The following SFI1 variants were observed in gnomAD, a reference collection of about 807,000 sequenced individuals.
SFI1 encodes SFI1 centrin binding protein, also known as protein SFI1 homolog.
A neutral mutation model predicts 207.5 loss-of-function variants in SFI1; 195 were observed. That is an observed-to-expected ratio of 0.94 (90% CI 0.84 to 1.06). The LOEUF is 1.06. Among genes scored for constraint, SFI1 ranks in the 50% least tolerant of loss-of-function variants. SFI1 has a pLI of 0.00. For synonymous variants in SFI1, 630 were observed against 598.9 expected, an observed-to-expected ratio of 1.05 and a Z score of -0.76; for missense variants, 1,634 against 1,588.0, an observed-to-expected ratio of 1.03 and a Z score of -0.49.
intron 15 of SFI1, among the ~76,000 whole-genome samples, 195 bp downstream of exon 15, chr22:31,589,772 G>A (rs1481154545): frequency 1.3e-5 from 2 of 150,608 alleles, no homozygotes; most frequent in Non-Finnish European, 1.5e-5. Flanking sequence ...GAAATCTTTT[G>A]TCCATCTTTA....
At chr22:31,618,249 GGT>G in intron 32 of SFI1, 23 bp downstream of exon 32, 1 of 1,597,282 alleles carries the variant, frequency 6.3e-7, no homozygotes, top group South Asian at 1.1e-5. Context: ...GCCATCCCCA[GGT>G]GTCCCTGGGG....
At chr22:31,561,697 G>A (rs16989279) in intron 8 of SFI1, among the ~76,000 whole-genome samples, 8,810 of 152,294 alleles carry the variant, frequency 0.058, 238 homozygotes, top group Non-Finnish European at 0.066. Flanking sequence ...TTTCCTCGTT[G>A]CTGTTTTCCT....
At chr22:31,512,811 C>T (rs766384218) in intron 2 of SFI1, among the ~76,000 whole-genome samples, 5 of 152,070 alleles carry the variant, frequency 3.3e-5, no homozygotes, top group Admixed American at 6.6e-5. Flanking sequence ...CTCAGCCTCC[C>T]AAGTACCTGG....
intron 15 of SFI1, among the ~76,000 whole-genome samples, chr22:31,599,226 A>C (rs1212303311): frequency 6.6e-6 from 1 of 152,162 alleles, no homozygotes; most frequent in Non-Finnish European, 1.5e-5. Context: ...CATTTAGGTC[A>C]ATGATCATCT....
chr22:31,506,588 C>T (rs1379928830), intron 1 of SFI1, among the ~76,000 whole-genome samples: 1 of 152,118 alleles, frequency 6.6e-6, no homozygotes, highest in East Asian at 1.9e-4. Flanking sequence ...TTGCAGATGA[C>T]ATGATTCTGT....
chr22:31,501,284 C>T (rs1301600766), intron 1 of SFI1, among the ~76,000 whole-genome samples: 1 of 151,292 alleles, frequency 6.6e-6, no homozygotes, highest in African/African-American at 2.4e-5. Flanking sequence ...CCATTCTCCT[C>T]CCTCAGCCTC....
At position 31,606,325 on chromosome 22, in the gene SFI1, C is replaced by T. The variant is rs372124990; in HGVS notation, c.2055-3C>T. 6.2e-7 allele frequency: 1 copy of T among 1,613,272 alleles called. No individual in the cohort carries two copies. The highest frequency in any genetic ancestry group is 8.5e-7 in the Non-Finnish European group (1 of 1,179,658). On this transcript the variant is annotated splice_region_variant and splice_polypyrimidine_tract_variant and intron_variant, in intron 20 of 32. Coordinates refer to ENST00000400288, the MANE Select transcript of SFI1 (RefSeq NM_001007467.3). ...TGCCTTCCTCGCACCCATGCATCTG[C>T]AGCGGGGCATTACGTCGCTGGAAAG...
intron 2 of SFI1, among the ~76,000 whole-genome samples, chr22:31,514,000 G>A (rs1384813872): frequency 6.6e-6 from 1 of 151,874 alleles, no homozygotes; most frequent in Non-Finnish European, 1.5e-5. Context: ...CTGGCATGGT[G>A]GCATGCTACT....
rs201980284 is a variant in SFI1 at position 31,561,340 on chromosome 22, G to A, written c.713G>A (p.Arg238His). ...RQRLGQVRVS[R>H]ALHASALKHR... ...CGACTAGGACAGGTCCGTGTGAGCC[G>A]TGCCCTCCATGCCTCTGCTTTGAAG... The change falls in exon 8 of 33, where the codon CGT becomes CAT. Residue 238 changes from arginine (R) to histidine (H), a missense_variant. By Grantham distance (29) the Arg-to-His change is conservative. Coordinates refer to ENST00000400288, the MANE Select transcript of SFI1 (RefSeq NM_001007467.3). The A allele has an allele frequency of 9.1e-4, 1,463 of 1,614,022 alleles. 23 individuals are homozygous for A. In the South Asian group the frequency reaches 0.014, roughly 15 times the overall value.
At chr22:31,553,650 G>A (rs2060842312) in intron 6 of SFI1, among the ~76,000 whole-genome samples, 1 of 150,596 alleles carries the variant, frequency 6.6e-6, no homozygotes, top group African/African-American at 2.4e-5. Flanking sequence ...TGGGACCACA[G>A]GGGTGAGCCA....
intron 8 of SFI1, among the ~76,000 whole-genome samples, chr22:31,568,863 G>T (rs1433110882): frequency 1.3e-5 from 2 of 152,148 alleles, no homozygotes; most frequent in African/African-American, 4.8e-5. Context: ...GGAAGCTGAG[G>T]CAGGAGGATC....
At chr22:31,559,510 C>T in intron 7 of SFI1, 2 of 533,932 alleles carry the variant, frequency 3.7e-6, no homozygotes, top group Non-Finnish European at 7.0e-6. Flanking sequence ...TGAAAAGTTC[C>T]AGCGTATTTT....
intron 4 of SFI1, among the ~76,000 whole-genome samples, chr22:31,538,076 A>G (rs1416734883): frequency 6.6e-6 from 1 of 152,038 alleles, no homozygotes; most frequent in Non-Finnish European, 1.5e-5. Context: ...GGTTCAAGCA[A>G]TTCTCCTGCC....
chr22:31,525,621 G>A (rs557911915), intron 2 of SFI1, among the ~76,000 whole-genome samples: 9 of 152,270 alleles, frequency 5.9e-5, no homozygotes, highest in Non-Finnish European at 8.8e-5. Flanking sequence ...GGAGGCTGAG[G>A]TGGGAAGATC....
At position 31,580,343 on chromosome 22, in the gene SFI1, T is replaced by C; in HGVS notation, c.1227T>C (p.Ala409=). 1 of 1,613,944 alleles carries C rather than the reference T, an allele frequency of 6.2e-7. No homozygotes were observed. Among genetic ancestry groups the C allele is most frequent in the Non-Finnish European group, 8.5e-7 (1 of 1,179,866 alleles). Reference sequence around the variant, plus strand: ...TCCAGCAAATAAGAAGGAATCTTGCTCACCAGCAGCATGGTGTCACGGTGA... The same window carrying C: ...TCCAGCAAATAAGAAGGAATCTTGCCCACCAGCAGCATGGTGTCACGGTGA... The part of the protein sequence containing the change: ...AHLQQIRRNL[A]HQQHGVTLLH... The change falls in exon 12 of 33, where the codon GCT becomes GCC. Residue 409 remains alanine (A), a synonymous_variant. Coordinates refer to ENST00000400288, the MANE Select transcript of SFI1 (RefSeq NM_001007467.3).
intron 6 of SFI1, among the ~76,000 whole-genome samples, chr22:31,554,803 T>G (rs1383122732): frequency 6.6e-6 from 1 of 152,016 alleles, no homozygotes; most frequent in Non-Finnish European, 1.5e-5. Flanking sequence ...GTAGAGACAT[T>G]TACTGCTATA....
chr22:31,547,612 G>GTTTTTTTTGTT (rs534023397), intron 5 of SFI1, among the ~76,000 whole-genome samples: 1,701 of 137,408 alleles, frequency 0.012, 9 homozygotes, highest in Middle Eastern at 0.042. Context: ...CGCCAGGCCT[G>GTTTTTTTTGTT]TTTTTTTTGT....
intron 4 of SFI1, among the ~76,000 whole-genome samples, chr22:31,537,594 AATTGTTTG>A (rs2059114909): frequency 6.6e-6 from 1 of 152,170 alleles, no homozygotes; most frequent in South Asian, 2.1e-4. Flanking sequence ...GGCCCTAGCT[AATTGTTTG>A]ATCTGAGGAT....
At chr22:31,514,838 C>G (rs1054104760) in intron 2 of SFI1, among the ~76,000 whole-genome samples, 5 of 150,560 alleles carry the variant, frequency 3.3e-5, no homozygotes, top group Non-Finnish European at 7.4e-5. Flanking sequence ...GTGGCACAAT[C>G]TCAGCTCACT....
Sources: gnomAD v4.1 joint callset for allele counts (sites outside exome capture counted in the v4.1 genomes callset) on GRCh38, gnomAD v4.1.1 for gene constraint, MANE v1.5 for transcripts, NCBI Gene and HGNC (gene_info 2026-07-23, HGNC 2026-07-21) for gene names.